The following DYSF variants were observed in gnomAD, a reference collection of about 807,000 sequenced individuals.
The protein encoded by DYSF is dysferlin.
In DYSF, 212 loss-of-function variants were observed where a neutral mutation model predicts 274.9. The ratio of observed to expected loss-of-function variants is 0.77; its 90% CI spans 0.69 to 0.86. The LOEUF is 0.86. Among genes scored for constraint, DYSF ranks in the 40% least tolerant of loss-of-function variants. The pLI, the probability that DYSF is intolerant of heterozygous loss-of-function variation, is 0.00. For synonymous variants in DYSF, 1,091 were observed against 1,078.7 expected (o/e 1.01, Z -0.22); for missense variants, 2,666 against 2,783.2 (o/e 0.96, Z 0.95).
At chr2:71,569,369 GC>G (rs1486392922) in intron 26 of DYSF, among the ~76,000 whole-genome samples, 1 of 152,116 alleles carries the variant, frequency 6.6e-6, no homozygotes, top group Non-Finnish European at 1.5e-5. Flanking sequence ...CATGTCTATT[GC>G]CGCCTTTGCC....
intron 42 of DYSF, among the ~76,000 whole-genome samples, chr2:71,655,780 A>G (rs2094756402): frequency 6.6e-6 from 1 of 152,228 alleles, no homozygotes; most frequent in Non-Finnish European, 1.5e-5. Context: ...TGTTCTTTTA[A>G]AAAATGTACT....
chr2:71,604,888 G>T lies in DYSF; in HGVS notation c.3957+2083G>T, dbSNP rs181612478. On this transcript the variant is annotated intron_variant, in intron 36 of 55. Transcript: ENST00000410020. ...TGGGATTGGTAGAAAATGTGGGGAGGTGGCCCAGGCAGCAGTGTCTTGGGC... is the reference window on the plus strand; with the variant it reads ...TGGGATTGGTAGAAAATGTGGGGAGTTGGCCCAGGCAGCAGTGTCTTGGGC... Among the ~76,000 whole-genome samples the T allele has an allele frequency of 1.7e-3, 262 of 152,242 alleles. 2 individuals carry two copies. Among genetic ancestry groups the T allele is most frequent in the African/African-American group, 6.1e-3 (252 of 41,542 alleles).
At chr2:71,543,734 C>T (rs1050074986) in intron 17 of DYSF, among the ~76,000 whole-genome samples, 4 of 152,296 alleles carry the variant, frequency 2.6e-5, no homozygotes, top group African/African-American at 4.8e-5. Flanking sequence ...TGGCGGCGCG[C>T]GCCTGCAATC....
At chr2:71,667,346 T>C in intron 47 of DYSF, 30 bp from the exon 48 acceptor site, 2 of 1,613,928 alleles carry the variant, frequency 1.2e-6, no homozygotes, top group Non-Finnish European at 1.7e-6. Flanking sequence ...CCCCAGCTCC[T>C]GCAACTTTTT....
chr2:71,669,475 C>T (rs879072389), intron 50 of DYSF, 130 bp from the exon 51 acceptor site: 5 of 1,212,480 alleles, frequency 4.1e-6, no homozygotes, highest in Admixed American at 3.7e-5. Flanking sequence ...TACATCGTGC[C>T]GATTTCCTGG....
At chr2:71,599,496 A>T (rs2093490332) in intron 33 of DYSF, among the ~76,000 whole-genome samples, 1 of 152,236 alleles carries the variant, frequency 6.6e-6, no homozygotes, top group African/African-American at 2.4e-5. Flanking sequence ...CTGGAATGTC[A>T]GGAAAGCCTT....
chr2:71,630,604 G>T (rs1374729209), intron 41 of DYSF, among the ~76,000 whole-genome samples: 3 of 152,228 alleles, frequency 2.0e-5, no homozygotes, highest in Non-Finnish European at 4.4e-5. Context: ...ATGTGACCTT[G>T]GTGGCTGGTC....
intron 30 of DYSF, among the ~76,000 whole-genome samples, chr2:71,582,313 G>A (rs2092924828): frequency 6.6e-6 from 1 of 152,030 alleles, no homozygotes; most frequent in Admixed American, 6.6e-5. Context: ...CATGTACCGT[G>A]GGCCAGCCAT....
intron 42 of DYSF, among the ~76,000 whole-genome samples, chr2:71,653,892 C>G (rs2094717573): frequency 6.6e-6 from 1 of 151,274 alleles, no homozygotes; most frequent in Admixed American, 6.6e-5. Flanking sequence ...ATAAGATAAT[C>G]AAACGTAACC....
At position 71,658,750 on chromosome 2, in the gene DYSF, C is replaced by T. The variant is rs572362899; in HGVS notation, c.4756-128C>T. 611 of 1,133,330 alleles carry T rather than the reference C, an allele frequency of 5.4e-4. 1 individual carries two copies. The highest frequency in any genetic ancestry group is 5.3e-3 in the South Asian group (388 of 72,816). The allele number at this position is 1,133,330 out of a possible 1,614,324, so 70.2% of individuals were successfully genotyped here. A position where few individuals can be genotyped will look rare whatever the true frequency, so the allele number is the denominator to read the frequency against. ...GGCCCCCATGATTCAATTATCTCCTCCTGGGTCCCTCCCACAACATGTGGG... is the reference window on the plus strand; with the variant it reads ...GGCCCCCATGATTCAATTATCTCCTTCTGGGTCCCTCCCACAACATGTGGG... On this transcript the variant is annotated intron_variant, in intron 43 of 55. Coordinates refer to ENST00000410020, the MANE Select transcript of DYSF (RefSeq NM_001130987.2).
chr2:71,474,813 G>A (rs2082280545), intron 1 of DYSF, among the ~76,000 whole-genome samples: 1 of 152,208 alleles, frequency 6.6e-6, no homozygotes, highest in Non-Finnish European at 1.5e-5. Flanking sequence ...TTGGCACACA[G>A]ATATCGCTCA....
At chr2:71,670,487 C>T (rs575096511) in intron 51 of DYSF, among the ~76,000 whole-genome samples, 2 of 152,304 alleles carry the variant, frequency 1.3e-5, no homozygotes, top group African/African-American at 4.8e-5. Flanking sequence ...CTATGGTCAC[C>T]GTCCAAGCTA....
chr2:71,615,497 C>T lies in DYSF; in HGVS notation c.4464+2087C>T, dbSNP rs2093861065. Among the ~76,000 whole-genome samples the T allele has an allele frequency of 1.3e-5, 2 of 152,218 alleles. No individual in the cohort carries two copies. ...AAAAGCCTCAAACCCAGCAGGGAGACCAGTTCTGTTCTGCAGGGAGCCCTG... is the reference window on the plus strand; with the variant it reads ...AAAAGCCTCAAACCCAGCAGGGAGATCAGTTCTGTTCTGCAGGGAGCCCTG... On this transcript the variant is annotated intron_variant, in intron 40 of 55. Coordinates refer to ENST00000410020, the MANE Select transcript of DYSF (RefSeq NM_001130987.2). The surrounding 1 kb of genome is among the most constrained non-coding windows in gnomAD (Gnocchi z 4.9).
intron 48 of DYSF, among the ~76,000 whole-genome samples, chr2:71,668,463 C>T (rs1024857975): frequency 9.2e-5 from 14 of 152,238 alleles, no homozygotes; most frequent in African/African-American, 3.1e-4. Flanking sequence ...TGACACGCCA[C>T]GACTGTGCAC....
intron 32 of DYSF, among the ~76,000 whole-genome samples, chr2:71,591,883 T>C (rs1558560123): frequency 6.6e-6 from 1 of 152,252 alleles, no homozygotes; most frequent in Non-Finnish European, 1.5e-5. Flanking sequence ...GAGGAAGTTC[T>C]ACCCCGTTTT....
chr2:71,520,491 G>A (rs893993979), intron 11 of DYSF, among the ~76,000 whole-genome samples: 9 of 152,206 alleles, frequency 5.9e-5, no homozygotes, highest in Non-Finnish European at 1.2e-4. Flanking sequence ...TCATTTGGGT[G>A]ACAAGCCAGG....
chr2:71,534,065 C>T (rs764819995), intron 14 of DYSF, among the ~76,000 whole-genome samples: 2 of 152,016 alleles, frequency 1.3e-5, no homozygotes, highest in Non-Finnish European at 2.9e-5. Flanking sequence ...GCTCTTTTTA[C>T]AGGGAGGAGG....
rs767800266 is a variant in DYSF, at chr2:71,526,341, C to T, written c.1271C>T (p.Pro424Leu). Reference protein sequence around the residue: ...CLKVFRAEDLPQMDDAVMDNV... With the variant: ...CLKVFRAEDLLQMDDAVMDNV... Reference sequence around the variant, plus strand: ...AAGGTCTTCCGGGCCGAGGACTTGCCGCAGAGTGCGTGGGGCGCGCCCTTG... The same window carrying T: ...AAGGTCTTCCGGGCCGAGGACTTGCTGCAGAGTGCGTGGGGCGCGCCCTTG... Residue 424 changes from proline (P) to leucine (L), a missense_variant, in exon 13 of 56, where the codon CCG becomes CTG. Physicochemically the swap from Pro to Leu is moderately conservative, Grantham distance 98. This residue lies in a region of DYSF where 794 missense variants were observed against 777.1 expected (regional missense o/e 1.02). Transcript: ENST00000410020. 20 of 1,592,086 alleles carry T rather than the reference C, an allele frequency of 1.3e-5. No homozygotes were observed. The highest frequency in any genetic ancestry group is 1.7e-5 in the Admixed American group (1 of 59,066).
At chr2:71,553,750 C>CCAAAA in intron 20 of DYSF, 57 bp from the exon 21 acceptor site, 3 of 1,011,272 alleles carry the variant, frequency 3.0e-6, no homozygotes, top group Non-Finnish European at 4.4e-6. Context: ...TCTTAGCACC[C>CCAAAA]CATCCCACCC....
Sources: allele counts gnomAD v4.1 joint callset (sites outside exome capture counted in the v4.1 genomes callset), GRCh38; gene constraint gnomAD v4.1.1; regional missense constraint gnomAD v4.1.1; non-coding constraint Gnocchi (gnomAD v3.1); transcripts MANE v1.5; gene names NCBI Gene and HGNC (gene_info 2026-07-23, HGNC 2026-07-21).